ZNRF1: variants seen among roughly 807,000 people sequenced by gnomAD.
The protein encoded by ZNRF1 is E3 ubiquitin-protein ligase ZNRF1.
In ZNRF1, 3 loss-of-function variants were observed where a neutral mutation model predicts 18.4. The ratio of observed to expected loss-of-function variants is 0.16; its 90% CI spans 0.07 to 0.42. ZNRF1 has a LOEUF of 0.42. Ranked by LOEUF, ZNRF1 falls within the 10% of genes least tolerant of loss-of-function variation. The pLI is 0.99. For missense variants in ZNRF1, 310 were observed against 329.8 expected (o/e 0.94, Z 0.47); for synonymous variants, 157 against 144.2 (o/e 1.09, Z -0.64).
chr16:75,083,091 C>T (rs2036034202), intron 1 of ZNRF1, among the ~76,000 whole-genome samples: 1 of 152,076 alleles, frequency 6.6e-6, no homozygotes, highest in Non-Finnish European at 1.5e-5. Context: ...ATAATGATGC[C>T]TCTTACAATT....
At chr16:75,090,005 A>AG (rs1311938201) in intron 1 of ZNRF1, among the ~76,000 whole-genome samples, 3 of 152,346 alleles carry the variant, frequency 2.0e-5, no homozygotes, top group African/African-American at 7.2e-5. Flanking sequence ...TGAGAGTGTC[A>AG]GGGCCTGGAG....
At chr16:75,058,105 T>C (rs1010580799) in intron 1 of ZNRF1, among the ~76,000 whole-genome samples, 3 of 54,984 alleles carry the variant, frequency 5.5e-5, no homozygotes, top group Admixed American at 1.7e-4. Flanking sequence ...CCTTTCCTTT[T>C]CTTTTTTTTT....
intron 1 of ZNRF1, among the ~76,000 whole-genome samples, chr16:75,018,264 A>T (rs1010364126): frequency 1.3e-5 from 2 of 152,204 alleles, no homozygotes; most frequent in Non-Finnish European, 2.9e-5. Flanking sequence ...AGTAGCTTTT[A>T]AAATTGTTTA....
chr16:75,093,740 C>G, intron 2 of ZNRF1, 73 bp downstream of exon 2: 1 of 1,259,220 alleles, frequency 7.9e-7, no homozygotes, highest in Non-Finnish European at 1.2e-6. Flanking sequence ...GTGGGAGCCT[C>G]CAGTCGAGGG....
intron 3 of ZNRF1, chr16:75,105,702 C>T (rs2036307520): frequency 6.6e-6 from 1 of 152,404 alleles, no homozygotes. Context: ...CAGGGCGGCA[C>T]TAACCAGAAC....
intron 1 of ZNRF1, among the ~76,000 whole-genome samples, chr16:75,089,807 G>A (rs868838004): frequency 6.6e-6 from 1 of 152,048 alleles, no homozygotes; most frequent in Non-Finnish European, 1.5e-5. Context: ...CTTGTTGGGT[G>A]GCCTACTTCC....
chr16:75,084,226 C>G (rs943112416), intron 1 of ZNRF1, among the ~76,000 whole-genome samples: 7 of 152,116 alleles, frequency 4.6e-5, no homozygotes, highest in African/African-American at 1.7e-4. Flanking sequence ...AGAGAGCAGG[C>G]ACATGCAGTC....
intron 1 of ZNRF1, among the ~76,000 whole-genome samples, chr16:75,070,457 A>C (rs1597894054): frequency 6.6e-6 from 1 of 152,108 alleles, no homozygotes; most frequent in Non-Finnish European, 1.5e-5. Context: ...CCCTCAATGG[A>C]CCTTGCCCCC....
intron 1 of ZNRF1, among the ~76,000 whole-genome samples, chr16:75,029,180 G>A (rs1286796977): frequency 1.3e-5 from 2 of 149,854 alleles, no homozygotes; most frequent in African/African-American, 2.5e-5. Context: ...GGAGTCTCGT[G>A]CTGTCGCCCA....
At chr16:75,043,534 ATACT>A (rs1567476192) in intron 1 of ZNRF1, among the ~76,000 whole-genome samples, 1 of 152,174 alleles carries the variant, frequency 6.6e-6, no homozygotes, top group Non-Finnish European at 1.5e-5. Context: ...AACCCAGCTA[ATACT>A]TACAGAACAT....
intron 4 of ZNRF1, 58 bp downstream of exon 4, chr16:75,106,629 G>C: frequency 6.7e-7 from 1 of 1,489,916 alleles, no homozygotes; most frequent in Non-Finnish European, 9.3e-7. Context: ...TCACTTTGGG[G>C]GCCTGCAGTT....
At chr16:75,009,626 G>A (rs1312813762) in intron 1 of ZNRF1, among the ~76,000 whole-genome samples, 7 of 152,236 alleles carry the variant, frequency 4.6e-5, no homozygotes, top group Admixed American at 4.6e-4. Flanking sequence ...TCAAGACCCT[G>A]CTTTCACTCC....
In ZNRF1 at chr16:75,108,699, C is replaced by CT. The variant is rs1381367923; in HGVS notation, c.*1000dup. On this transcript the variant is annotated 3_prime_UTR_variant, in exon 5 of 5. Transcript: ENST00000335325. ...GTGTTTTGATATGGTATTAAAATGT[C>CT]TAATAAAAGATGGCACTGCGTGATT... The CT allele has an allele frequency of 2.5e-6, 1 of 396,540 alleles. No individual in the cohort carries two copies. Among genetic ancestry groups the CT allele is most frequent in the Non-Finnish European group, 4.4e-6 (1 of 224,970 alleles). 24.6% of individuals were successfully genotyped at this position (396,540 alleles called of 1,614,324 possible). A position where few individuals can be genotyped will look rare whatever the true frequency, so the allele number is the denominator to read the frequency against.
chr16:75,062,115 G>C (rs776245036), intron 1 of ZNRF1, among the ~76,000 whole-genome samples: 1 of 152,186 alleles, frequency 6.6e-6, no homozygotes, highest in Non-Finnish European at 1.5e-5. Flanking sequence ...CTAAGCAAAT[G>C]GTTGTTCAGT....
chr16:75,060,179 G>C (rs1352755629), intron 1 of ZNRF1, among the ~76,000 whole-genome samples: 1 of 151,044 alleles, frequency 6.6e-6, no homozygotes, highest in African/African-American at 2.4e-5. Context: ...TCAGCCTCCC[G>C]AGTAGCTGGA....
At chr16:75,002,574 C>T (rs1002291230) in intron 1 of ZNRF1, among the ~76,000 whole-genome samples, 3 of 152,302 alleles carry the variant, frequency 2.0e-5, no homozygotes, top group Admixed American at 1.3e-4. Flanking sequence ...TCTCAGAGAG[C>T]GTGGGCTTAG....
intron 2 of ZNRF1, among the ~76,000 whole-genome samples, chr16:75,102,963 C>A (rs1274983727): frequency 6.6e-6 from 1 of 152,194 alleles, no homozygotes; most frequent in Non-Finnish European, 1.5e-5. Flanking sequence ...AATCTCCCGT[C>A]CCCACCCCAG....
chr16:75,005,141 T>C (rs1233340637), intron 1 of ZNRF1, among the ~76,000 whole-genome samples: 1 of 152,194 alleles, frequency 6.6e-6, no homozygotes, highest in Non-Finnish European at 1.5e-5. Flanking sequence ...AAGCATTCTG[T>C]GGTCTCCAAA....
chr16:75,023,680 TCAAA>T (rs536077772), intron 1 of ZNRF1, among the ~76,000 whole-genome samples: 4 of 143,304 alleles, frequency 2.8e-5, no homozygotes, highest in Admixed American at 7.3e-5. Flanking sequence ...CGAAACTCCA[TCAAA>T]CAAACAAACA....
Sources: gnomAD v4.1 joint callset for allele counts (sites outside exome capture counted in the v4.1 genomes callset) on GRCh38, gnomAD v4.1.1 for gene constraint, MANE v1.5 for transcripts, NCBI Gene and HGNC (gene_info 2026-07-23, HGNC 2026-07-21) for gene names.